The following DDX60 variants were observed in gnomAD, a reference collection of about 807,000 sequenced individuals.
DDX60 encodes DExD/H-box helicase 60.
Under a neutral mutation model 212.8 loss-of-function variants are expected in DDX60, and 165 were observed. The observed-to-expected ratio is 0.78, with a 90% CI of 0.68 to 0.88. The LOEUF is 0.88. Ranked by LOEUF, DDX60 falls within the 40% of genes least tolerant of loss-of-function variation. The pLI is 0.00. For missense variants in DDX60, 1,905 were observed against 2,003.9 expected, an observed-to-expected ratio of 0.95 and a Z score of 0.94; for synonymous variants, 703 against 685.3, an observed-to-expected ratio of 1.03 and a Z score of -0.40.
chr4:168,224,532 G>A (rs1733181562), intron 34 of DDX60, 147 bp from the exon 35 acceptor site: 2 of 713,258 alleles, frequency 2.8e-6, no homozygotes, highest in Admixed American at 2.9e-5. Flanking sequence ...TATCGCATAA[G>A]GTTAGTAGCA....
chr4:168,258,816 T>C (rs1000536687), intron 25 of DDX60, among the ~76,000 whole-genome samples: 1 of 152,168 alleles, frequency 6.6e-6, no homozygotes, highest in Non-Finnish European at 1.5e-5. Context: ...ATCTTCTTTC[T>C]TTTTCTTAAA....
chr4:168,241,627 T>C (rs957396988), intron 30 of DDX60, among the ~76,000 whole-genome samples: 3 of 152,140 alleles, frequency 2.0e-5, no homozygotes, highest in Admixed American at 1.3e-4. Context: ...TTAGGGTATC[T>C]TGCAGAAGAA....
chr4:168,317,450 C>T (rs1005238918), intron 1 of DDX60, among the ~76,000 whole-genome samples: 2 of 150,978 alleles, frequency 1.3e-5, no homozygotes, highest in East Asian at 1.9e-4. Flanking sequence ...AGAGGAAAGG[C>T]GCAAAGGGGA....
intron 4 of DDX60, among the ~76,000 whole-genome samples, chr4:168,307,003 C>T (rs1295621355): frequency 1.3e-5 from 2 of 152,240 alleles, no homozygotes; most frequent in Non-Finnish European, 2.9e-5. Context: ...TCTCCAATCT[C>T]ATTTCAGAAA....
At chr4:168,309,240 T>C (rs564102143) in intron 3 of DDX60, among the ~76,000 whole-genome samples, 1 of 152,280 alleles carries the variant, frequency 6.6e-6, no homozygotes, top group South Asian at 2.1e-4. Flanking sequence ...TGCAATATCA[T>C]AAACCCTAAA....
chr4:168,216,948 C>T lies in DDX60; in HGVS notation c.5124G>A (p.Lys1708=), dbSNP rs755906708. The part of the protein sequence containing the change: ...FEQLSTTFWE[K]LNKV ...GACTTTGTTTTTAGACTTTGTTTAA[C>T]TTTTCCCAAAAAGTTGTACTCAGTT... is the stretch of plus-strand genomic sequence containing the variant. Residue 1708 remains lysine (K), a synonymous_variant, in exon 38 of 38, where the codon AAG becomes AAA. Transcript: ENST00000393743. 6.3e-7 allele frequency: 1 copy of T among 1,598,216 alleles called. No individual in the cohort carries two copies. Among genetic ancestry groups the T allele is most frequent in the South Asian group, 1.1e-5 (1 of 87,316 alleles).
intron 25 of DDX60, 34 bp downstream of exon 25, chr4:168,260,831 T>A: frequency 6.3e-7 from 1 of 1,578,516 alleles, no homozygotes; most frequent in African/African-American, 1.4e-5. Flanking sequence ...CTAATACAAT[T>A]ACAAGCAAAA....
intron 37 of DDX60, chr4:168,220,406 C>A: frequency 3.3e-6 from 1 of 302,992 alleles, no homozygotes; most frequent in Non-Finnish European, 6.1e-6. Flanking sequence ...GTGCATGATG[C>A]CTGGGGCTGA....
At chr4:168,281,490 A>G (rs1735590671) in intron 13 of DDX60, among the ~76,000 whole-genome samples, 1 of 152,234 alleles carries the variant, frequency 6.6e-6, no homozygotes, top group Non-Finnish European at 1.5e-5. Context: ...TCAAGCACAA[A>G]GCATTTAGTC....
chr4:168,290,555 G>A (rs921923201), intron 8 of DDX60, among the ~76,000 whole-genome samples: 1 of 151,832 alleles, frequency 6.6e-6, no homozygotes, highest in African/African-American at 2.4e-5. Flanking sequence ...TAGCCAGGAT[G>A]GTCTTGATCT....
At chr4:168,297,350 G>T (rs1736422035) in intron 6 of DDX60, among the ~76,000 whole-genome samples, 2 of 79,968 alleles carry the variant, frequency 2.5e-5, no homozygotes, top group Admixed American at 1.1e-4. Context: ...AAGAAAGAAA[G>T]AAAGAAAGAA....
At chr4:168,280,651 A>T in intron 13 of DDX60, 61 bp from the exon 14 acceptor site, 2 of 1,520,796 alleles carry the variant, frequency 1.3e-6, no homozygotes, top group Non-Finnish European at 1.8e-6. Flanking sequence ...ATAACAGGTC[A>T]TGAGTGAGAC....
chr4:168,283,562 G>A lies in DDX60; in HGVS notation c.1606C>T (p.His536Tyr). ...PRVLRSVQKY[H>Y]VFQRFYGNSL... ...TTCCCATAAAACCGTTGGAAAACAT[G>A]ATACTTTTGCACAGATCTAAGAACA... Residue 536 changes from histidine to tyrosine, a missense_variant, in exon 13 of 38, where the codon CAT (histidine) becomes TAT (tyrosine). Coordinates refer to ENST00000393743, the MANE Select transcript of DDX60 (RefSeq NM_017631.6). 1 of 1,613,286 alleles carries A rather than the reference G, an allele frequency of 6.2e-7. No homozygotes were observed. Among genetic ancestry groups the A allele is most frequent in the Non-Finnish European group, 8.5e-7 (1 of 1,179,544 alleles).
chr4:168,282,027 C>G (rs367722770), intron 13 of DDX60, among the ~76,000 whole-genome samples: 16 of 152,084 alleles, frequency 1.1e-4, no homozygotes, highest in East Asian at 9.6e-4. Flanking sequence ...AACAAAAAAA[C>G]TGAAAAGCAG....
intron 30 of DDX60, among the ~76,000 whole-genome samples, chr4:168,243,793 G>C (rs1733930704): frequency 6.6e-6 from 1 of 152,070 alleles, no homozygotes; most frequent in Non-Finnish European, 1.5e-5. Context: ...CCATTATAAA[G>C]ATATATGCAT....
At chr4:168,285,607 C>T (rs1356741169) in intron 10 of DDX60, 109 bp from the exon 11 acceptor site, 1 of 680,396 alleles carries the variant, frequency 1.5e-6, no homozygotes, top group African/African-American at 1.8e-5. Context: ...TTATATTAAT[C>T]TTATTTACAT....
intron 28 of DDX60, 149 bp from the exon 29 acceptor site, chr4:168,248,441 T>A: frequency 1.8e-6 from 1 of 546,978 alleles, no homozygotes; most frequent in South Asian, 2.6e-5. Flanking sequence ...GTACTCTTGC[T>A]ATTTCACAAA....
intron 27 of DDX60, among the ~76,000 whole-genome samples, chr4:168,251,495 C>T (rs923635918): frequency 2.0e-5 from 3 of 152,144 alleles, no homozygotes; most frequent in African/African-American, 4.8e-5. Context: ...CTATGTGGTC[C>T]GGGAATGCCT....
intron 26 of DDX60, 35 bp downstream of exon 26, chr4:168,255,676 C>A (rs923714298): frequency 2.0e-6 from 3 of 1,523,704 alleles, no homozygotes; most frequent in Admixed American, 4.5e-5. Context: ...GTATTTTAAC[C>A]CTCTACTTAT....
Sources: gnomAD v4.1 joint callset for allele counts (sites outside exome capture counted in the v4.1 genomes callset) on GRCh38, gnomAD v4.1.1 for gene constraint, MANE v1.5 for transcripts, NCBI Gene and HGNC (gene_info 2026-07-23, HGNC 2026-07-21) for gene names.